Variants in LOXL2 observed in about 807,000 individuals in gnomAD.
The protein encoded by LOXL2 is lysyl oxidase like 2.
Under a neutral mutation model 93.0 loss-of-function variants are expected in LOXL2, and 70 were observed. The observed-to-expected ratio is 0.75, with a 90% CI of 0.62 to 0.92. The LOEUF is 0.92. Among genes scored for constraint, LOXL2 ranks in the 40% least tolerant of loss-of-function variants. The pLI is 0.00. For missense variants in LOXL2, 973 were observed against 1,054.9 expected (o/e 0.92, Z 1.08); for synonymous variants, 438 against 413.2 (o/e 1.06, Z -0.73).
chr8:23,353,243 G>C (rs763746703), intron 3 of LOXL2, among the ~76,000 whole-genome samples: 149 of 152,152 alleles, frequency 9.8e-4, no homozygotes, highest in Non-Finnish European at 1.9e-3. Flanking sequence ...CCACAGGCAG[G>C]AAACAAAGCC....
At chr8:23,348,487 G>C (rs1804031166) in intron 3 of LOXL2, among the ~76,000 whole-genome samples, 1 of 152,012 alleles carries the variant, frequency 6.6e-6, no homozygotes, top group Non-Finnish European at 1.5e-5. Flanking sequence ...AGAATCACTT[G>C]AGCCCAGGAG....
intron 1 of LOXL2, among the ~76,000 whole-genome samples, chr8:23,387,566 C>A (rs1455064587): frequency 6.6e-6 from 1 of 152,232 alleles, no homozygotes; most frequent in African/African-American, 2.4e-5. Flanking sequence ...AATCTTATTT[C>A]TTAGCTTATT....
intron 1 of LOXL2, among the ~76,000 whole-genome samples, chr8:23,380,116 C>T (rs146246196): frequency 1.3e-5 from 2 of 152,214 alleles, no homozygotes; most frequent in East Asian, 3.9e-4. Flanking sequence ...CATCTTAGGC[C>T]AGGCGTGCTG....
intron 3 of LOXL2, among the ~76,000 whole-genome samples, chr8:23,346,127 T>TAA (rs376101493): frequency 0.59 from 75,853 of 127,766 alleles, 22,316 homozygotes; most frequent in African/African-American, 0.7. Context: ...TAAAATAAAA[T>TAA]AAAATAAAAT....
chr8:23,328,352 G>A (rs556792320), intron 6 of LOXL2, 30 bp downstream of exon 6: 28 of 1,608,714 alleles, frequency 1.7e-5, no homozygotes, highest in South Asian at 6.6e-5. Flanking sequence ...CCCAGGAAGA[G>A]AGGCCCCCTC....
chr8:23,350,754 C>G (rs1804079019), intron 3 of LOXL2, among the ~76,000 whole-genome samples: 1 of 150,162 alleles, frequency 6.7e-6, no homozygotes, highest in South Asian at 2.1e-4. Context: ...CTGTTGGGGT[C>G]TTCCTCCTAT....
chr8:23,387,921 C>T (rs368843065), intron 1 of LOXL2, among the ~76,000 whole-genome samples: 1 of 152,176 alleles, frequency 6.6e-6, no homozygotes, highest in Non-Finnish European at 1.5e-5. Flanking sequence ...TGCACTCCAG[C>T]CCGGGCGACA....
In LOXL2 at chr8:23,360,030, G is replaced by A. The variant is rs1804262153; in HGVS notation, c.531+60C>T. 6 of 1,481,078 alleles carry A rather than the reference G, an allele frequency of 4.1e-6. No homozygotes were observed. In the South Asian group the frequency reaches 4.8e-5, roughly 12 times the overall value. The allele number at this position is 1,481,078 out of a possible 1,614,324, so 91.7% of individuals were successfully genotyped here. A position where few individuals can be genotyped will look rare whatever the true frequency, so the allele number is the denominator to read the frequency against. On this transcript the variant is annotated intron_variant, in intron 3 of 13. Coordinates refer to ENST00000389131, the MANE Select transcript of LOXL2 (RefSeq NM_002318.3). ...TTCTTGAAATCAATACGCAAAAAGC[G>A]AGTTGCATGGAAGAGGAAAAATGTT...
At chr8:23,353,575 A>G (rs578196736) in intron 3 of LOXL2, among the ~76,000 whole-genome samples, 18 of 152,222 alleles carry the variant, frequency 1.2e-4, no homozygotes, top group African/African-American at 4.1e-4. Flanking sequence ...GAGAATATAC[A>G]ATAAGATATG....
At chr8:23,401,317 A>T (rs1800149169) in intron 1 of LOXL2, among the ~76,000 whole-genome samples, 1 of 152,208 alleles carries the variant, frequency 6.6e-6, no homozygotes. Context: ...GATCAACTAT[A>T]AAAAAAGACA....
intron 6 of LOXL2, among the ~76,000 whole-genome samples, chr8:23,327,722 C>T (rs1278350208): frequency 2.0e-5 from 3 of 152,154 alleles, no homozygotes; most frequent in Non-Finnish European, 4.4e-5. Context: ...GTGGGGCTTC[C>T]TGGGGAGGAG....
intron 1 of LOXL2, among the ~76,000 whole-genome samples, chr8:23,400,103 G>C (rs1050577866): frequency 1.3e-5 from 2 of 152,160 alleles, no homozygotes; most frequent in African/African-American, 2.4e-5. Context: ...CAACTTATGA[G>C]TCTCATTAAC....
intron 1 of LOXL2, among the ~76,000 whole-genome samples, chr8:23,371,965 A>T (rs1016163680): frequency 6.6e-6 from 1 of 152,014 alleles, no homozygotes; most frequent in African/African-American, 2.4e-5. Flanking sequence ...CTGAAAGAAA[A>T]GTACAACTAA....
rs74577495 is a variant in LOXL2 at position 23,320,834 on chromosome 8, G to C, written c.1303-782C>G. ...GAGGTGGGAGGATCCCTTGAGCCCA[G>C]AAGTTTCAGGTTGCAGTGGGCTATG... On this transcript the variant is annotated intron_variant, in intron 7 of 13. Transcript: ENST00000389131. 8.3e-3 allele frequency among the ~76,000 whole-genome samples: 1,266 copies of C among 152,256 alleles called. 81 individuals carry two copies. The East Asian group carries it at 0.16, about 19-fold the overall frequency.
intron 12 of LOXL2, among the ~76,000 whole-genome samples, chr8:23,299,334 A>G (rs1803089324): frequency 6.6e-6 from 1 of 152,126 alleles, no homozygotes; most frequent in African/African-American, 2.4e-5. Context: ...CGGTGTGGGA[A>G]CCTGGAAGAG....
Position 23,298,001 on chromosome 8 carries a change from TGTG to T in LOXL2, c.*39_*41del, listed in dbSNP as rs766575238. 15 of 1,527,736 alleles carry T rather than the reference TGTG, an allele frequency of 9.8e-6. No individual in the cohort carries two copies. Among genetic ancestry groups the T allele is most frequent in the South Asian group, 2.3e-5 (2 of 88,202 alleles). The allele number at this position is 1,527,736 out of a possible 1,614,324, so 94.6% of individuals were successfully genotyped here. A position where few individuals can be genotyped will look rare whatever the true frequency, so the allele number is the denominator to read the frequency against. On this transcript the variant is annotated 3_prime_UTR_variant, in exon 14 of 14. Coordinates refer to ENST00000389131, the MANE Select transcript of LOXL2 (RefSeq NM_002318.3). ...TGTTGGGGGGAAGTCCCATGGAAGATGTGGTGTGGCCTGAAGACAGGAGTTGAC... is the reference window on the plus strand; with the variant it reads ...TGTTGGGGGGAAGTCCCATGGAAGATGTGTGGCCTGAAGACAGGAGTTGAC...
intron 9 of LOXL2, among the ~76,000 whole-genome samples, chr8:23,310,197 T>G (rs1435251903): frequency 1.3e-5 from 2 of 152,220 alleles, no homozygotes; most frequent in African/African-American, 4.8e-5. Flanking sequence ...TCATGGTACG[T>G]TAACAGATCC....
At chr8:23,380,696 C>A (rs897613961) in intron 1 of LOXL2, among the ~76,000 whole-genome samples, 6 of 151,974 alleles carry the variant, frequency 3.9e-5, no homozygotes, top group Non-Finnish European at 1.5e-5. Context: ...GAAAAAAAAT[C>A]TGGAAAACAC....
At chr8:23,300,386 C>G (rs1803110316) in intron 12 of LOXL2, among the ~76,000 whole-genome samples, 1 of 152,196 alleles carries the variant, frequency 6.6e-6, no homozygotes, top group South Asian at 2.1e-4. Flanking sequence ...CCACCAGGAG[C>G]CAGGAGGCCC....
Sources: gnomAD v4.1 joint callset for allele counts (sites outside exome capture counted in the v4.1 genomes callset) on GRCh38, gnomAD v4.1.1 for gene constraint, MANE v1.5 for transcripts, NCBI Gene and HGNC (gene_info 2026-07-23, HGNC 2026-07-21) for gene names.